Variants in PCDH15 observed in about 807,000 individuals in gnomAD.
PCDH15 encodes protocadherin-15.
Under a neutral mutation model 178.5 loss-of-function variants are expected in PCDH15, and 129 were observed. The observed-to-expected ratio is 0.72, with a 90% CI of 0.63 to 0.84. PCDH15 has a LOEUF of 0.84. Ranked by LOEUF, PCDH15 falls within the 40% of genes least tolerant of loss-of-function variation. The probability of loss-of-function intolerance (pLI) is 0.00; values close to 1 mark genes in which losing one functional copy is unlikely to be tolerated. For synonymous variants in PCDH15, 800 were observed against 732.0 expected (o/e 1.09, Z -1.50); for missense variants, 2,230 against 2,099.9 (o/e 1.06, Z -1.21).
At chr10:55,379,206 A>G (rs1565077096) in intron 2 of PCDH15, among the ~76,000 whole-genome samples, 1 of 151,988 alleles carries the variant, frequency 6.6e-6, no homozygotes, top group Non-Finnish European at 1.5e-5. Context: ...TTTCCCCTAC[A>G]GATGTAACTG....
intron 1 of PCDH15, among the ~76,000 whole-genome samples, chr10:54,718,684 CTTTT>C (rs71461255): frequency 9.0e-6 from 1 of 111,520 alleles, no homozygotes; most frequent in Non-Finnish European, 1.8e-5. Context: ...CACACTGATT[CTTTT>C]TTTTTTTTTT....
intron 2 of PCDH15, among the ~76,000 whole-genome samples, chr10:54,581,687 C>A (rs746077482): frequency 6.6e-6 from 1 of 151,972 alleles, no homozygotes; most frequent in Non-Finnish European, 1.5e-5. Context: ...AATAAGTCTA[C>A]AATATCCAAA....
chr10:54,639,087 G>C, intron 2 of PCDH15, among the ~76,000 whole-genome samples: 1 of 152,026 alleles, frequency 6.6e-6, no homozygotes, highest in East Asian at 1.9e-4. Context: ...TAAAAAGGAC[G>C]TAAAATTCAC....
intron 2 of PCDH15, among the ~76,000 whole-genome samples, chr10:55,509,106 A>C (rs538652128): frequency 6.6e-6 from 1 of 151,936 alleles, no homozygotes; most frequent in African/African-American, 2.4e-5. Context: ...AATTGGAGTA[A>C]GGCAAAGAGA....
intron 2 of PCDH15, among the ~76,000 whole-genome samples, chr10:55,559,822 T>C (rs1842160209): frequency 6.6e-6 from 1 of 151,958 alleles, no homozygotes; most frequent in Non-Finnish European, 1.5e-5. Context: ...GAATTTTTCC[T>C]AATAAAGAAA....
chr10:54,829,282 C>G (rs551236636), intron 3 of PCDH15, among the ~76,000 whole-genome samples: 2 of 151,962 alleles, frequency 1.3e-5, no homozygotes, highest in African/African-American at 4.8e-5. Flanking sequence ...CAGTTAGTAA[C>G]CTAGATTCTC....
At chr10:54,349,496 T>C (rs1273238124) in intron 5 of PCDH15, among the ~76,000 whole-genome samples, 1 of 152,220 alleles carries the variant, frequency 6.6e-6, no homozygotes, top group Non-Finnish European at 1.5e-5. Context: ...TGTTTTTCTC[T>C]AGCTCTACAA....
rs181333871 is a variant in PCDH15, at chr10:54,679,892, G to T, written c.-28-15602C>A. 3.3e-5 allele frequency among the ~76,000 whole-genome samples: 5 copies of T among 151,964 alleles called. No individual in the cohort carries two copies. In the East Asian group the frequency reaches 9.7e-4, roughly 29 times the overall value. On this transcript the variant is annotated intron_variant, in intron 1 of 37. Coordinates refer to ENST00000644397, the MANE Select transcript of PCDH15 (RefSeq NM_001384140.1). ...ATAGCTTGTAAACTTTTGAATCTTG[G>T]GTATAATTTTAATTCTTGAGAGTGT... is the stretch of plus-strand genomic sequence containing the variant.
chr10:54,551,587 A>C (rs540661135), intron 2 of PCDH15, among the ~76,000 whole-genome samples: 6 of 152,162 alleles, frequency 3.9e-5, no homozygotes, highest in Non-Finnish European at 8.8e-5. Flanking sequence ...TTTGGTGTAC[A>C]ATGTCCCAAC....
chr10:53,882,103 T>C (rs1039765523), intron 26 of PCDH15, among the ~76,000 whole-genome samples: 2 of 150,276 alleles, frequency 1.3e-5, no homozygotes, highest in African/African-American at 4.9e-5. Context: ...AATTCTCCTC[T>C]GTTGGGAGAA....
intron 3 of PCDH15, among the ~76,000 whole-genome samples, chr10:54,408,838 G>A (rs1236794963): frequency 1.3e-5 from 2 of 152,114 alleles, no homozygotes; most frequent in Non-Finnish European, 2.9e-5. Context: ...TGGTTCTGTA[G>A]TTGGCAATGT....
intron 1 of PCDH15, among the ~76,000 whole-genome samples, chr10:54,690,562 C>G (rs2095102612): frequency 6.6e-6 from 1 of 152,038 alleles, no homozygotes; most frequent in African/African-American, 2.4e-5. Context: ...ATCCACCCAC[C>G]TCAACTTCCC....
intron 2 of PCDH15, among the ~76,000 whole-genome samples, chr10:55,142,581 A>G (rs573981917): frequency 4.0e-5 from 6 of 151,066 alleles, no homozygotes; most frequent in African/African-American, 1.5e-4. Context: ...GTGTATCTAT[A>G]GTTTTTTGCA....
intron 2 of PCDH15, among the ~76,000 whole-genome samples, chr10:55,067,130 A>C (rs1310790079): frequency 1.3e-5 from 2 of 151,990 alleles, no homozygotes; most frequent in Non-Finnish European, 2.9e-5. Context: ...CTGTATACAA[A>C]CCAGGAAAGG....
intron 3 of PCDH15, among the ~76,000 whole-genome samples, chr10:54,839,174 T>C (rs1253774886): frequency 6.6e-6 from 1 of 152,100 alleles, no homozygotes; most frequent in Non-Finnish European, 1.5e-5. Flanking sequence ...AAAACTCCTA[T>C]AATTGACCAC....
intron 2 of PCDH15, among the ~76,000 whole-genome samples, chr10:55,044,922 G>A (rs1840960074): frequency 6.6e-6 from 1 of 151,978 alleles, no homozygotes; most frequent in Non-Finnish European, 1.5e-5. Flanking sequence ...AACCTTATCA[G>A]TGTCTAGCTG....
At chr10:55,118,629 C>T (rs1407842782) in intron 2 of PCDH15, among the ~76,000 whole-genome samples, 1 of 152,152 alleles carries the variant, frequency 6.6e-6, no homozygotes, top group Non-Finnish European at 1.5e-5. Flanking sequence ...TTACAATAGT[C>T]CTACTCAGTA....
intron 2 of PCDH15, among the ~76,000 whole-genome samples, chr10:55,376,969 C>G (rs1275730595): frequency 6.6e-6 from 1 of 151,650 alleles, no homozygotes; most frequent in African/African-American, 2.4e-5. Context: ...TTTTAAAAAA[C>G]TAGCTATTAA....
chr10:54,726,854 GA>G (rs905124202), intron 1 of PCDH15, among the ~76,000 whole-genome samples: 34 of 144,088 alleles, frequency 2.4e-4, no homozygotes, highest in Admixed American at 9.0e-4. Context: ...TTAAAAAGAA[GA>G]AAAAAAAAAC....
Sources: gnomAD v4.1 joint callset for allele counts (sites outside exome capture counted in the v4.1 genomes callset) on GRCh38, gnomAD v4.1.1 for gene constraint, MANE v1.5 for transcripts, NCBI Gene and HGNC (gene_info 2026-07-23, HGNC 2026-07-21) for gene names.